The following COG8 variants were observed in gnomAD, a reference collection of about 807,000 sequenced individuals.
COG8 encodes component of oligomeric golgi complex 8.
Under a neutral mutation model 46.5 loss-of-function variants are expected in COG8, and 45 were observed. The observed-to-expected ratio is 0.97, with a 90% CI of 0.76 to 1.24. The LOEUF (loss-of-function observed/expected upper bound fraction) is 1.24. COG8 is among the 50% of genes most tolerant of loss of function. The pLI, the probability that COG8 is intolerant of heterozygous loss-of-function variation, is 0.00. For missense variants in COG8, 793 were observed against 820.8 expected (o/e 0.97, Z 0.41); for synonymous variants, 407 against 347.8 (o/e 1.17, Z -1.90).
chr16:69,329,974 GCC>G, intron 5 of COG8: 1 of 1,513,612 alleles, frequency 6.6e-7, no homozygotes, highest in Admixed American at 2.1e-5. Flanking sequence ...TGCTCCAGCA[GCC>G]CCGGTCCCCG....
At chr16:69,330,485 G>T (rs2143313542) in intron 5 of COG8, 1 of 1,472,788 alleles carries the variant, frequency 6.8e-7, no homozygotes, top group Non-Finnish European at 8.9e-7. Flanking sequence ...GGAGCTGCAA[G>T]CCCGGACACC....
chr16:69,330,216 G>A, intron 5 of COG8: 1 of 1,451,608 alleles, frequency 6.9e-7, no homozygotes. Context: ...ACCTGCCGCG[G>A]CACCCCCAGC....
chr16:69,329,935 G>C, intron 5 of COG8: 3 of 1,454,376 alleles, frequency 2.1e-6, no homozygotes, highest in Non-Finnish European at 2.7e-6. Flanking sequence ...CTGCGCTCTC[G>C]CGGAGTCGGG....
intron 1 of COG8, among the ~76,000 whole-genome samples, chr16:69,338,732 G>A (rs1027145464): frequency 2.0e-5 from 3 of 152,214 alleles, no homozygotes; most frequent in African/African-American, 7.2e-5. Context: ...GATTATGCCT[G>A]TAATCCCAGC....
rs752183309 is a variant in COG8 at position 69,336,542 on chromosome 16, C to T, written c.548G>A (p.Arg183Gln). ...EALELAAYVRRLERKYSSIPV... is the reference protein window; with the variant it reads ...EALELAAYVRQLERKYSSIPV... ...GATGGAAGAGTATTTCCTCTCCAGT[C>T]GGCGTACGTAGGCTGCAAGCTCCAG... The change falls in exon 2 of 6, where the codon CGA (arginine) becomes CAA (glutamine). Residue 183 changes from arginine (R) to glutamine (Q), a missense_variant. Coordinates refer to ENST00000306875, the MANE Select transcript of COG8 (RefSeq NM_032382.5). The T allele has an allele frequency of 9.3e-6, 15 of 1,614,014 alleles. No homozygotes were observed. The highest frequency in any genetic ancestry group is 1.6e-4 in the Middle Eastern group (1 of 6,068).
In COG8 at chr16:69,330,009, C is replaced by T; in HGVS notation, c.*26+804G>A. On this transcript the variant is annotated intron_variant, in intron 5 of 5. Coordinates refer to ENST00000306875, the MANE Select transcript of COG8 (RefSeq NM_032382.5). The stretch of plus-strand genomic sequence containing the variant: ...CCGCCGCCCGCACCTGAGATCTGCA[C>T]CGCCTGGAAGCGGGGCACGCAGGCC... 1.3e-6 allele frequency: 2 copies of T among 1,538,900 alleles called. No individual in the cohort carries two copies. Among genetic ancestry groups the T allele is most frequent in the Non-Finnish European group, 1.8e-6 (2 of 1,142,562 alleles).
chr16:69,333,133 G>C (rs537108135), intron 3 of COG8, among the ~76,000 whole-genome samples: 1 of 149,362 alleles, frequency 6.7e-6, no homozygotes, highest in East Asian at 2.0e-4. Context: ...GTGGAGGAGT[G>C]TCATAAAACT....
At chr16:69,329,914 C>T (rs1965732639) in intron 5 of COG8, 15 of 1,412,838 alleles carry the variant, frequency 1.1e-5, no homozygotes, top group Non-Finnish European at 1.4e-5. Context: ...GCGTATGAAC[C>T]GCGACCACTT....
chr16:69,330,302 G>C lies in COG8; in HGVS notation c.*26+511C>G, dbSNP rs763867526. On this transcript the variant is annotated intron_variant, in intron 5 of 5. Coordinates refer to ENST00000306875, the MANE Select transcript of COG8 (RefSeq NM_032382.5). Reference sequence around the variant, plus strand: ...CCGTTGCGTCAGCCGCTGCAGCTCGGGCCCGCCTAGCTGCGCCCGCTCCAC... The same window carrying C: ...CCGTTGCGTCAGCCGCTGCAGCTCGCGCCCGCCTAGCTGCGCCCGCTCCAC... 6.9e-5 allele frequency: 99 copies of C among 1,433,228 alleles called. 3 individuals are homozygous for C. In the South Asian group the frequency reaches 1.3e-3, roughly 19 times the overall value. The allele number at this position is 1,433,228 out of a possible 1,614,324, so 88.8% of individuals were successfully genotyped here.
chr16:69,338,741 G>C (rs547799525), intron 1 of COG8, among the ~76,000 whole-genome samples: 1 of 152,336 alleles, frequency 6.6e-6, no homozygotes, highest in East Asian at 1.9e-4. Flanking sequence ...TGTAATCCCA[G>C]CGCTTTGGGA....
In COG8 at chr16:69,332,711, T is replaced by C. The variant is rs368121830; in HGVS notation, c.1582+3A>G. ...GCAGTTTACAGAATTTTCATTCTCT[T>C]ACCTAAAGTCTGTGCTATCTGAGCT... On this transcript the variant is annotated splice_donor_region_variant and intron_variant, in intron 4 of 5. Coordinates refer to ENST00000306875, the MANE Select transcript of COG8 (RefSeq NM_032382.5). 1.9e-6 allele frequency: 3 copies of C among 1,613,084 alleles called. No individual in the cohort carries two copies. The highest frequency in any genetic ancestry group is 2.7e-5 in the African/African-American group (2 of 74,940).
chr16:69,332,979 T>A, intron 3 of COG8, 97 bp from the exon 4 acceptor site: 1 of 1,128,750 alleles, frequency 8.9e-7, no homozygotes, highest in Non-Finnish European at 1.3e-6. Flanking sequence ...CCCTCCAGTT[T>A]TCCTGAACAA....
At chr16:69,330,117 C>A (rs778772685) in intron 5 of COG8, 1 of 1,584,002 alleles carries the variant, frequency 6.3e-7, no homozygotes, top group South Asian at 1.1e-5. Flanking sequence ...TTCACGAACA[C>A]GCGCAGGGGG....
In COG8 at chr16:69,335,158, A is replaced by T; in HGVS notation, c.776T>A (p.Leu259Gln). The change falls in exon 3 of 6, where the codon CTG (leucine) becomes CAG (glutamine). Residue 259 changes from leucine to glutamine, a missense_variant. Coordinates refer to ENST00000306875, the MANE Select transcript of COG8 (RefSeq NM_032382.5). The part of the protein sequence containing the change: ...QARDAWLRSI[L>Q]TAIPNDDPYF... The stretch of plus-strand genomic sequence containing the variant: ...GGGATCATCATTAGGAATGGCAGTC[A>T]GGATGGACCGGAGCCAAGCATCTCG... The T allele has an allele frequency of 6.2e-7, 1 of 1,614,234 alleles. No individual in the cohort carries two copies. The highest frequency in any genetic ancestry group is 8.5e-7 in the Non-Finnish European group (1 of 1,180,044).
At position 69,334,863 on chromosome 16, in the gene COG8, G is replaced by A. The variant is rs1463060093; in HGVS notation, c.1071C>T (p.Ser357=). The A allele has an allele frequency of 3.7e-6, 6 of 1,614,048 alleles. No individual in the cohort carries two copies. In the South Asian group the frequency reaches 5.5e-5, roughly 15 times the overall value. ...GACCCCGGAAATCAGCTCCCACCCG[G>A]CTGAAGGACAGCCCAAAGTACATGC... The part of the protein sequence containing the change: ...GQCMYFGLSF[S]RVGADFRGQL... Residue 357 remains serine (S), a synonymous_variant, in exon 3 of 6, where the codon AGC becomes AGT. Transcript: ENST00000306875.
At position 69,332,786 on chromosome 16, in the gene COG8, C is replaced by T; in HGVS notation, c.1510G>A (p.Glu504Lys). ...LFVQFCTVFL[E>K]DLVPYLNRCL... ...CGATTTAAATACGGAACAAGGTCTTCCAGGAAGACAGTGCAGAACTGGACA... is the reference window on the plus strand; with the variant it reads ...CGATTTAAATACGGAACAAGGTCTTTCAGGAAGACAGTGCAGAACTGGACA... Residue 504 changes from glutamate (E) to lysine (K), a missense_variant, in exon 4 of 6, where the codon GAA becomes AAA. Glu to Lys is a moderately conservative substitution (Grantham distance 56, BLOSUM62 1). Coordinates refer to ENST00000306875, the MANE Select transcript of COG8 (RefSeq NM_032382.5). 6.2e-7 allele frequency: 1 copy of T among 1,614,192 alleles called. No homozygotes were observed. The highest frequency in any genetic ancestry group is 8.5e-7 in the Non-Finnish European group (1 of 1,180,022).
At chr16:69,331,543 C>T (rs1420239181) in intron 4 of COG8, among the ~76,000 whole-genome samples, 3 of 150,680 alleles carry the variant, frequency 2.0e-5, no homozygotes, top group African/African-American at 4.9e-5. Context: ...CGCTCTGTCG[C>T]CCAGGCTGGA....
rs143808112 is a variant in COG8, at chr16:69,332,762, G to A, written c.1534C>T (p.Arg512Cys). The A allele has an allele frequency of 9.3e-6, 15 of 1,614,058 alleles. No individual in the cohort carries two copies. Among genetic ancestry groups the A allele is most frequent in the East Asian group, 2.2e-5 (1 of 44,902 alleles). ...FLEDLVPYLN[R>C]CLQVLFPPAQ... ...GGTGGAAAAAGGACTTGGAGACAGCGATTTAAATACGGAACAAGGTCTTCC... is the reference window on the plus strand; with the variant it reads ...GGTGGAAAAAGGACTTGGAGACAGCAATTTAAATACGGAACAAGGTCTTCC... Residue 512 changes from arginine (R) to cysteine (C), a missense_variant, in exon 4 of 6, where the codon CGC becomes TGC. Transcript: ENST00000306875.
At chr16:69,330,635 C>T in intron 5 of COG8, 178 bp downstream of exon 5, 2 of 1,403,624 alleles carry the variant, frequency 1.4e-6, no homozygotes, top group Non-Finnish European at 1.8e-6. Flanking sequence ...CGCCGGGAAG[C>T]GCCGTCGGCC....
Sources: allele counts gnomAD v4.1 joint callset (sites outside exome capture counted in the v4.1 genomes callset), GRCh38; gene constraint gnomAD v4.1.1; transcripts MANE v1.5; gene names NCBI Gene and HGNC (gene_info 2026-07-23, HGNC 2026-07-21).